The following KDM5A variants were observed in gnomAD, a reference collection of about 807,000 sequenced individuals.
KDM5A encodes lysine demethylase 5A, also known as lysine-specific demethylase 5A.
Under a neutral mutation model 193.5 loss-of-function variants are expected in KDM5A, and 42 were observed. That is an observed-to-expected ratio of 0.22 (90% confidence interval 0.17 to 0.28). The LOEUF (loss-of-function observed/expected upper bound fraction) is 0.28. Ranked by LOEUF, KDM5A falls within the 10% of genes least tolerant of loss-of-function variation. The pLI is 1.00. For synonymous variants in KDM5A, 796 were observed against 718.1 expected (o/e 1.11, Z -1.73); for missense variants, 1,692 against 2,055.1 (o/e 0.82, Z 3.42).
intron 3 of KDM5A, among the ~76,000 whole-genome samples, chr12:371,386 T>C (rs1944425677): frequency 6.6e-6 from 1 of 152,224 alleles, no homozygotes; most frequent in East Asian, 1.9e-4. Flanking sequence ...TTTTTTCATG[T>C]GTCTGTTGGC....
rs1287716302 is a variant in KDM5A at position 310,867 on chromosome 12, G to A, written c.3216+18C>T. On this transcript the variant is annotated intron_variant, in intron 21 of 27. Coordinates refer to ENST00000399788, the MANE Select transcript of KDM5A (RefSeq NM_001042603.3). ...CTTAAATTATCAGCTGCTTATGAGA[G>A]TGTTGAAGTTCAAGTACCTGTAACA... is the stretch of plus-strand genomic sequence containing the variant. The A allele has an allele frequency of 3.1e-6, 5 of 1,611,716 alleles. No homozygotes were observed. Among genetic ancestry groups the A allele is most frequent in the African/African-American group, 2.7e-5 (2 of 74,834 alleles).
chr12:354,326 C>T (rs1944203443), intron 7 of KDM5A, 92 bp from the exon 8 acceptor site: 12 of 844,330 alleles, frequency 1.4e-5, no homozygotes, highest in Admixed American at 7.3e-5. Context: ...CAAAATAATG[C>T]AACTGAAAAG....
chr12:363,406 G>A (rs1253710615), intron 4 of KDM5A, among the ~76,000 whole-genome samples: 1 of 152,076 alleles, frequency 6.6e-6, no homozygotes, highest in Non-Finnish European at 1.5e-5. Flanking sequence ...TGTAGTACTG[G>A]TTTTAGGGTA....
rs1172586794 is a variant in KDM5A, at chr12:280,535, ACTGCAAG to A, written c.*4914_*4920del. ...ATTTCATGAAACTGAGGCCAAGTCCACTGCAAGCAGAGTCTTAACATTTTCAGAAATG... is the reference window on the plus strand; with the variant it reads ...ATTTCATGAAACTGAGGCCAAGTCCACAGAGTCTTAACATTTTCAGAAATG... On this transcript the variant is annotated 3_prime_UTR_variant, in exon 28 of 28. Coordinates refer to ENST00000399788, the MANE Select transcript of KDM5A (RefSeq NM_001042603.3). 1.7e-5 allele frequency: 4 copies of A among 233,060 alleles called. No individual in the cohort carries two copies. The highest frequency in any genetic ancestry group is 3.4e-5 in the Non-Finnish European group (4 of 117,988). 14.4% of individuals were successfully genotyped at this position (233,060 alleles called of 1,614,324 possible). A position where few individuals can be genotyped will look rare whatever the true frequency, so the allele number is the denominator to read the frequency against.
chr12:384,880 G>C (rs902517517), intron 2 of KDM5A, among the ~76,000 whole-genome samples: 4 of 152,116 alleles, frequency 2.6e-5, no homozygotes, highest in Non-Finnish European at 4.4e-5. Context: ...CTAATTACAA[G>C]AGACTAAAAA....
chr12:295,389 G>A (rs1943357628), intron 26 of KDM5A, among the ~76,000 whole-genome samples, 184 bp downstream of exon 26: 1 of 151,956 alleles, frequency 6.6e-6, no homozygotes, highest in Non-Finnish European at 1.5e-5. Flanking sequence ...GGAGGAAGGA[G>A]GGAGGGAGGC....
chr12:285,235 T>C lies in KDM5A; in HGVS notation c.*221A>G, dbSNP rs1943204918. The C allele has an allele frequency of 1.7e-6, 1 of 589,340 alleles. No individual in the cohort carries two copies. 36.5% of individuals were successfully genotyped at this position (589,340 alleles called of 1,614,324 possible). A position where few individuals can be genotyped will look rare whatever the true frequency, so the allele number is the denominator to read the frequency against. ...CCACACTCAAAGGAGACATGAAATATTGGCTGTTGTACCAAAGAAGACACC... is the reference window on the plus strand; with the variant it reads ...CCACACTCAAAGGAGACATGAAATACTGGCTGTTGTACCAAAGAAGACACC... On this transcript the variant is annotated 3_prime_UTR_variant, in exon 28 of 28. Coordinates refer to ENST00000399788, the MANE Select transcript of KDM5A (RefSeq NM_001042603.3).
At chr12:294,517 A>G (rs1466708394) in intron 26 of KDM5A, among the ~76,000 whole-genome samples, 1 of 152,228 alleles carries the variant, frequency 6.6e-6, no homozygotes, top group Non-Finnish European at 1.5e-5. Flanking sequence ...TATCAGTAAA[A>G]GAAAAAGGAT....
In KDM5A at chr12:366,006, C is replaced by T. The variant is rs2137471103; in HGVS notation, c.465G>A (p.Gly155=). The T allele has an allele frequency of 6.2e-7, 1 of 1,613,900 alleles. No homozygotes were observed. ...RLGYLPGKGT[G]SLLKSHYERI... The stretch of plus-strand genomic sequence containing the variant: ...TTTCATAATGTGACTTCAAAAGAGA[C>T]CCAGTTCCTTTTCCTGGCAGATATC... Residue 155 remains glycine, a synonymous_variant, in exon 4 of 28, where the codon GGG becomes GGA. Transcript: ENST00000399788.
chr12:309,902 T>C lies in KDM5A; in HGVS notation c.3279A>G (p.Val1093=). The change falls in exon 22 of 28, where the codon GTA becomes GTG. Residue 1093 remains valine (V), a synonymous_variant. Coordinates refer to ENST00000399788, the MANE Select transcript of KDM5A (RefSeq NM_001042603.3). ...YGSGKNRRKK[V]KELIEKEKEK... ...CTTTTTCTTTTTCTATTAGTTCTTT[T>C]ACTTTTTTCCTCCTATTTTTGCCAC... 2 of 1,613,702 alleles carry C rather than the reference T, an allele frequency of 1.2e-6. No individual in the cohort carries two copies. Among genetic ancestry groups the C allele is most frequent in the Non-Finnish European group, 8.5e-7 (1 of 1,179,898 alleles).
chr12:296,907 T>C (rs1943380408), intron 25 of KDM5A, 134 bp downstream of exon 25: 1 of 906,518 alleles, frequency 1.1e-6, no homozygotes, highest in Non-Finnish European at 1.7e-6. Context: ...AAAACAGCAT[T>C]TTCAGGTTCC....
rs1366389461 is a variant in KDM5A at position 281,844 on chromosome 12, CAAGT to C, written c.*3608_*3611del. The C allele has an allele frequency of 1.5e-5, 4 of 266,090 alleles. No individual in the cohort carries two copies. The highest frequency in any genetic ancestry group is 1.1e-4 in the Admixed American group (2 of 18,356). 16.5% of individuals were successfully genotyped at this position (266,090 alleles called of 1,614,324 possible). The stretch of plus-strand genomic sequence containing the variant: ...ACTACAGAATTAAAATACTGACAAG[CAAGT>C]AGTTTCTTGGCGTGCACGAATTGCA... On this transcript the variant is annotated 3_prime_UTR_variant, in exon 28 of 28. Coordinates refer to ENST00000399788, the MANE Select transcript of KDM5A (RefSeq NM_001042603.3).
At position 322,398 on chromosome 12, in the gene KDM5A, A is replaced by C. The variant is rs1392567981; in HGVS notation, c.2426+19T>G. 6.2e-7 allele frequency: 1 copy of C among 1,608,084 alleles called. No homozygotes were observed. Among genetic ancestry groups the C allele is most frequent in the East Asian group, 2.2e-5 (1 of 44,850 alleles). On this transcript the variant is annotated intron_variant, in intron 17 of 27. Transcript: ENST00000399788. Reference sequence around the variant, plus strand: ...AGAAACAGGAAAACACTGGAGAATTAAACTCTTCTTAGGTTTACCTGTGTT... The same window carrying C: ...AGAAACAGGAAAACACTGGAGAATTCAACTCTTCTTAGGTTTACCTGTGTT...
chr12:291,901 CT>C (rs199559800), intron 27 of KDM5A, among the ~76,000 whole-genome samples: 8,751 of 129,838 alleles, frequency 0.067, 452 homozygotes, highest in East Asian at 0.28. Flanking sequence ...TAAAACAATG[CT>C]TTTTTTTTTT....
At chr12:388,536 C>T in intron 1 of KDM5A, 1 of 362,942 alleles carries the variant, frequency 2.8e-6, no homozygotes, top group Non-Finnish European at 5.4e-6. Context: ...ATGAGGCCTG[C>T]AAATATTTGA....
chr12:389,212 A>C lies in KDM5A; in HGVS notation c.-121T>G. 2.1e-6 allele frequency: 2 copies of C among 930,440 alleles called. No homozygotes were observed. The highest frequency in any genetic ancestry group is 1.3e-5 in the South Asian group (1 of 76,580). 57.6% of individuals were successfully genotyped at this position (930,440 alleles called of 1,614,324 possible). A position where few individuals can be genotyped will look rare whatever the true frequency, so the allele number is the denominator to read the frequency against. On this transcript the variant is annotated 5_prime_UTR_variant, in exon 1 of 28. Coordinates refer to ENST00000399788, the MANE Select transcript of KDM5A (RefSeq NM_001042603.3). ...CCGAAGCGCATCTTCGCGGACAAGA[A>C]CCGTTCAACACAGAAACCCCAGAAT...
At position 297,207 on chromosome 12, in the gene KDM5A, A is replaced by G. The variant is rs769745790; in HGVS notation, c.4075-7T>C. 2 of 1,613,794 alleles carry G rather than the reference A, an allele frequency of 1.2e-6. No individual in the cohort carries two copies. The highest frequency in any genetic ancestry group is 4.5e-5 in the East Asian group (2 of 44,828). ...ACTTCACACTGGCTGTGTCCTGAAG[A>G]AGAAACAAAGAGAAGTATTCAGAAT... is the stretch of plus-strand genomic sequence containing the variant. On this transcript the variant is annotated splice_region_variant and splice_polypyrimidine_tract_variant and intron_variant, in intron 24 of 27. Coordinates refer to ENST00000399788, the MANE Select transcript of KDM5A (RefSeq NM_001042603.3).
intron 3 of KDM5A, among the ~76,000 whole-genome samples, chr12:372,576 CCTTT>C (rs1944443396): frequency 6.6e-6 from 1 of 152,102 alleles, no homozygotes; most frequent in African/African-American, 2.4e-5. Flanking sequence ...GATTGAATAC[CCTTT>C]ATTTCTTTTT....
chr12:336,031 G>A (rs145739619), intron 10 of KDM5A, among the ~76,000 whole-genome samples: 6 of 107,830 alleles, frequency 5.6e-5, no homozygotes, highest in East Asian at 3.0e-4. Flanking sequence ...CAACAAGAGC[G>A]ATACTTCATC....
Sources: allele counts gnomAD v4.1 joint callset (sites outside exome capture counted in the v4.1 genomes callset), GRCh38; gene constraint gnomAD v4.1.1; transcripts MANE v1.5; gene names NCBI Gene and HGNC (gene_info 2026-07-23, HGNC 2026-07-21).